RNF128: variants seen among roughly 807,000 people sequenced by gnomAD.
RNF128 encodes ring finger protein 128, also known as E3 ubiquitin-protein ligase RNF128.
Under a neutral mutation model 26.2 loss-of-function variants are expected in RNF128, and 13 were observed. That is an observed-to-expected ratio of 0.50 (90% CI 0.32 to 0.79). The LOEUF is 0.79. Among genes scored for constraint, RNF128 ranks in the 30% least tolerant of loss-of-function variants. RNF128 has a pLI of 0.03. For synonymous variants in RNF128, 149 were observed against 142.5 expected (o/e 1.05, Z -0.32); for missense variants, 315 against 349.7 (o/e 0.90, Z 0.79).
intron 1 of RNF128, among the ~76,000 whole-genome samples, chrX:106,766,182 G>A (rs1930233209): frequency 8.9e-6 from 1 of 111,960 alleles, no homozygotes; most frequent in South Asian, 3.8e-4. Flanking sequence ...ACATACGTGT[G>A]CATGTGTCTT....
intron 1 of RNF128, among the ~76,000 whole-genome samples, chrX:106,751,165 G>A (rs768669349): frequency 9.0e-6 from 1 of 111,325 alleles, no homozygotes; most frequent in African/African-American, 3.3e-5. Context: ...TCATATTAAG[G>A]AAAGAGGCAC....
chrX:106,713,897 C>T (rs1227270301), intron 1 of RNF128, among the ~76,000 whole-genome samples: 1 of 111,434 alleles, frequency 9.0e-6, no homozygotes, highest in African/African-American at 3.3e-5. Flanking sequence ...ATAGCAAGGC[C>T]GGGCGCGGTG....
intron 1 of RNF128, among the ~76,000 whole-genome samples, chrX:106,734,409 G>A (rs1929553320): frequency 9.0e-6 from 1 of 111,333 alleles, no homozygotes; most frequent in African/African-American, 3.3e-5. Context: ...TATTCCCATA[G>A]GTAATGCCTT....
chrX:106,694,503 G>C, intron 1 of RNF128: 1 of 624,577 alleles, frequency 1.6e-6, no homozygotes, highest in Non-Finnish European at 2.3e-6. Flanking sequence ...CAACAAGGTT[G>C]TAAAATAATT....
intron 1 of RNF128, among the ~76,000 whole-genome samples, chrX:106,771,484 C>T (rs1376431030): frequency 8.9e-6 from 1 of 112,842 alleles, no homozygotes; most frequent in Non-Finnish European, 1.9e-5. Context: ...CCACTGCTGC[C>T]TTGCAGTTTG....
intron 1 of RNF128, among the ~76,000 whole-genome samples, chrX:106,740,025 C>T (rs1357825438): frequency 9.0e-6 from 1 of 111,332 alleles, no homozygotes; most frequent in Non-Finnish European, 1.9e-5. Flanking sequence ...CAACCCAATC[C>T]CCATATTAAA....
chrX:106,726,162 GTGAGGAAATACACATGT>G (rs1259776992), upstream of RNF128, among the ~76,000 whole-genome samples: 1 of 111,998 alleles, frequency 8.9e-6, no homozygotes, highest in African/African-American at 3.2e-5. Context: ...TAGGGTAACG[GTGAGGAAATACACATGT>G]ATGAGGCTTC....
At chrX:106,766,336 T>TG (rs1347886875) in intron 1 of RNF128, among the ~76,000 whole-genome samples, 6 of 111,955 alleles carry the variant, frequency 5.4e-5, no homozygotes, top group South Asian at 7.5e-4. Context: ...CCACCAACAG[T>TG]TAAAGGAGTT....
At chrX:106,786,043 G>A (rs1400335555) in intron 3 of RNF128, among the ~76,000 whole-genome samples, 1 of 111,785 alleles carries the variant, frequency 8.9e-6, no homozygotes, top group African/African-American at 3.2e-5. Context: ...AAAAATCCTA[G>A]TGTAAATCTT....
intron 1 of RNF128, among the ~76,000 whole-genome samples, chrX:106,713,549 A>C (rs6523884): frequency 0.17 from 18,619 of 111,275 alleles, 3,865 homozygotes; most frequent in African/African-American, 0.58. Flanking sequence ...TGTTCTAGAG[A>C]AATGCTGTCC....
rs374577173 is a variant in RNF128, at chrX:106,695,178, C to T, written c.406+770C>T. On this transcript the variant is annotated intron_variant, in intron 1 of 6. Transcript: ENST00000324342. ...ACCAATGAAGAAGTAAACTTCTGAA[C>T]CCCATTTTGTTCACTGTGGATAGGT... Among the ~76,000 whole-genome samples the T allele has an allele frequency of 3.6e-5, 4 of 110,075 alleles. No individual in the cohort carries two copies. The South Asian group carries it at 1.2e-3, about 32-fold the overall frequency.
exon 1 of RNF128, chrX:106,694,250 A>C: frequency 8.3e-7 from 1 of 1,211,097 alleles, no homozygotes; most frequent in Non-Finnish European, 1.1e-6. Flanking sequence ...CACAACACTG[A>C]GTTTAGTAAT....
chrX:106,735,594 A>G (rs921429684), intron 1 of RNF128, among the ~76,000 whole-genome samples: 5 of 111,874 alleles, frequency 4.5e-5, no homozygotes, highest in Admixed American at 1.9e-4. Context: ...GTTTTAAAGA[A>G]CCCAAAATAC....
rs376505328 is a variant in RNF128, at chrX:106,791,817, G to C, written c.1153+583G>C. ...GCAACTTAGTAATTTTATGCCAAAT[G>C]AGAAATTTTAGGGAGTTCTGTTTTT... is the stretch of plus-strand genomic sequence containing the variant. On this transcript the variant is annotated intron_variant, in intron 6 of 6. Transcript: ENST00000255499. 2.7e-5 allele frequency among the ~76,000 whole-genome samples: 3 copies of C among 111,245 alleles called. No homozygotes were observed. In the East Asian group the frequency reaches 8.5e-4, roughly 32 times the overall value.
intron 1 of RNF128, among the ~76,000 whole-genome samples, chrX:106,717,353 A>G (rs1339085913): frequency 4.5e-5 from 5 of 112,157 alleles, no homozygotes; most frequent in African/African-American, 1.6e-4. Flanking sequence ...TTAGAAGGCT[A>G]TTTACAATAA....
intron 1 of RNF128, among the ~76,000 whole-genome samples, chrX:106,766,881 T>C (rs1930259519): frequency 9.0e-6 from 1 of 111,693 alleles, no homozygotes; most frequent in Admixed American, 9.5e-5. Flanking sequence ...CCATCTTGAG[T>C]TAATTTTTGT....
chrX:106,769,750 T>C (rs1231187662), intron 1 of RNF128, among the ~76,000 whole-genome samples: 1 of 110,576 alleles, frequency 9.0e-6, no homozygotes, highest in African/African-American at 3.3e-5. Flanking sequence ...CCCATTTACA[T>C]TTAAAGTTAA....
rs1262838824 is a variant in RNF128, at chrX:106,795,933, CAGT to C, written c.*224_*226del. On this transcript the variant is annotated 3_prime_UTR_variant, in exon 7 of 7. Transcript: ENST00000255499. ...TATTTTTCATAGGCAAGTTTCCTCT[CAGT>C]AGTGATAACAACATTTTTAGACATT... 3.0e-5 allele frequency: 7 copies of C among 237,094 alleles called. No individual in the cohort carries two copies. Among genetic ancestry groups the C allele is most frequent in the Non-Finnish European group, 4.5e-5 (6 of 134,441 alleles). The allele number at this position is 237,094 out of a possible 1,213,427, so 19.5% of individuals were successfully genotyped here. A position where few individuals can be genotyped will look rare whatever the true frequency, so the allele number is the denominator to read the frequency against.
chrX:106,788,352 ATATACTATATATAATATATATTAT>A (rs1930700970), intron 4 of RNF128, among the ~76,000 whole-genome samples: 1 of 49,898 alleles, frequency 2.0e-5, no homozygotes, highest in Non-Finnish European at 3.2e-5. Context: ...AATATATATT[ATATACTATATATAATATATATTAT>A]ATATTATATA....
Sources: allele counts gnomAD v4.1 joint callset (sites outside exome capture counted in the v4.1 genomes callset), GRCh38; gene constraint gnomAD v4.1.1; transcripts MANE v1.5; gene names NCBI Gene and HGNC (gene_info 2026-07-23, HGNC 2026-07-21).